Variants in MSH3 observed in about 807,000 individuals in gnomAD.
MSH3 encodes the protein mutS homolog 3, also known as DNA mismatch repair protein Msh3.
Under a neutral mutation model 123.3 loss-of-function variants are expected in MSH3, and 106 were observed. That is an observed-to-expected ratio of 0.86 (90% CI 0.73 to 1.01). The LOEUF is 1.01. Ranked by LOEUF, MSH3 falls within the 50% of genes least tolerant of loss-of-function variation. The pLI is 0.00. For synonymous variants in MSH3, 515 were observed against 481.4 expected (o/e 1.07, Z -0.91); for missense variants, 1,459 against 1,347.6 (o/e 1.08, Z -1.29).
At position 80,854,226 on chromosome 5, in the gene MSH3, C is replaced by T. The variant is rs200007138; in HGVS notation, c.2910C>T (p.Ser970=). ...AEIIRKATSQ[S]LVILDELGRG... ...TAATCAGAAAAGCAACATCACAGTC[C>T]TTGGTTATCTTGGATGAACTAGGAA... The change falls in exon 21 of 24, where the codon TCC becomes TCT. Residue 970 remains serine, a synonymous_variant. Coordinates refer to ENST00000265081, the MANE Select transcript of MSH3 (RefSeq NM_002439.5). The T allele has an allele frequency of 6.2e-7, 1 of 1,613,832 alleles. No homozygotes were observed. Among genetic ancestry groups the T allele is most frequent in the East Asian group, 2.2e-5 (1 of 44,846 alleles).
At chr5:80,714,044 G>A (rs1000318327) in intron 8 of MSH3, among the ~76,000 whole-genome samples, 3 of 150,926 alleles carry the variant, frequency 2.0e-5, no homozygotes, top group Non-Finnish European at 2.9e-5. Flanking sequence ...TGTTACATAT[G>A]AAAAGGTTAA....
intron 8 of MSH3, among the ~76,000 whole-genome samples, chr5:80,689,574 A>C (rs975654722): frequency 9.5e-4 from 144 of 152,296 alleles, no homozygotes; most frequent in African/African-American, 3.3e-3. Flanking sequence ...AAGTCCAAGC[A>C]AAATTTGAGA....
chr5:80,695,906 T>G (rs1028502513), intron 8 of MSH3, among the ~76,000 whole-genome samples: 1 of 152,198 alleles, frequency 6.6e-6, no homozygotes, highest in East Asian at 1.9e-4. Flanking sequence ...TTTTGTATTA[T>G]GTTGTGAGAT....
chr5:80,723,857 G>A (rs867016343), intron 8 of MSH3, among the ~76,000 whole-genome samples: 8 of 151,968 alleles, frequency 5.3e-5, no homozygotes, highest in Admixed American at 2.6e-4. Context: ...TGACTCCCTG[G>A]GCTCAAGTGA....
intron 13 of MSH3, among the ~76,000 whole-genome samples, chr5:80,764,536 A>ATTTT (rs62867161): frequency 7.6e-5 from 10 of 131,070 alleles, no homozygotes; most frequent in Non-Finnish European, 9.9e-5. Context: ...TTTTTTTTGC[A>ATTTT]TTTTTTTGTA....
At chr5:80,695,482 C>T (rs2560425) in intron 8 of MSH3, among the ~76,000 whole-genome samples, 1 of 151,832 alleles carries the variant, frequency 6.6e-6, no homozygotes, top group African/African-American at 2.4e-5. Flanking sequence ...TTATAGGCGC[C>T]TGCCACCACG....
At chr5:80,807,206 A>G (rs936070709) in intron 19 of MSH3, among the ~76,000 whole-genome samples, 3 of 151,660 alleles carry the variant, frequency 2.0e-5, no homozygotes, top group African/African-American at 7.3e-5. Context: ...AAAAAAAAAA[A>G]AAAAAGGAAA....
intron 20 of MSH3, among the ~76,000 whole-genome samples, chr5:80,843,075 T>A (rs1302378155): frequency 6.6e-6 from 1 of 152,132 alleles, no homozygotes; most frequent in Non-Finnish European, 1.5e-5. Flanking sequence ...TGAGATACAT[T>A]CCATCAATAT....
rs187683776 is a variant in MSH3, at chr5:80,703,317, C to G, written c.1341-22136C>G. On this transcript the variant is annotated intron_variant, in intron 8 of 23. Transcript: ENST00000265081. ...ATGAATTACCTTATAGGTAAGTATA[C>G]TTTACATTCTTTTATGTAACTCCTA... Among the ~76,000 whole-genome samples, 217 of 152,304 alleles carry G rather than the reference C, an allele frequency of 1.4e-3. 1 individual carries two copies. Among genetic ancestry groups the G allele is most frequent in the African/African-American group, 4.9e-3 (203 of 41,572 alleles).
At chr5:80,669,574 C>A (rs1749654962) in intron 3 of MSH3, among the ~76,000 whole-genome samples, 1 of 152,062 alleles carries the variant, frequency 6.6e-6, no homozygotes, top group African/African-American at 2.4e-5. Flanking sequence ...TGTTTCTTTA[C>A]CAAGAGAATC....
chr5:80,656,596 G>A (rs1749296153), intron 2 of MSH3, 65 bp downstream of exon 2: 1 of 1,602,734 alleles, frequency 6.2e-7, no homozygotes. Flanking sequence ...TTCTCCAGAG[G>A]GCAGAAGAGC....
At chr5:80,667,622 T>C (rs1306097691) in intron 3 of MSH3, among the ~76,000 whole-genome samples, 2 of 152,186 alleles carry the variant, frequency 1.3e-5, no homozygotes, top group Non-Finnish European at 2.9e-5. Flanking sequence ...GTCTGGCCCC[T>C]GTGCACTGCC....
chr5:80,670,512 T>G (rs1749681337), intron 4 of MSH3, among the ~76,000 whole-genome samples: 1 of 151,836 alleles, frequency 6.6e-6, no homozygotes, highest in Non-Finnish European at 1.5e-5. Context: ...AAGTGAGGGG[T>G]CTCTATTGGA....
chr5:80,785,803 A>G (rs1186765770), intron 17 of MSH3, among the ~76,000 whole-genome samples: 2 of 152,166 alleles, frequency 1.3e-5, no homozygotes, highest in African/African-American at 2.4e-5. Flanking sequence ...ATGGAATACT[A>G]TGCAGCCATA....
At chr5:80,872,328 G>A (rs973579353) in intron 22 of MSH3, among the ~76,000 whole-genome samples, 14 of 151,960 alleles carry the variant, frequency 9.2e-5, no homozygotes, top group Admixed American at 3.9e-4. Flanking sequence ...TTAGCTAGGT[G>A]TGGTAGTATG....
intron 12 of MSH3, among the ~76,000 whole-genome samples, chr5:80,755,059 G>A (rs1177280054): frequency 6.6e-6 from 1 of 152,152 alleles, no homozygotes; most frequent in Non-Finnish European, 1.5e-5. Context: ...TCAGCCCCTG[G>A]GGATGCATTA....
chr5:80,873,333 T>C, intron 23 of MSH3, 46 bp downstream of exon 23: 8 of 1,597,668 alleles, frequency 5.0e-6, no homozygotes, highest in Non-Finnish European at 6.9e-6. Flanking sequence ...TGAAACCTTC[T>C]AAGTTGTCCA....
chr5:80,760,440 C>T (rs527389742), intron 12 of MSH3, among the ~76,000 whole-genome samples: 47 of 152,224 alleles, frequency 3.1e-4, no homozygotes, highest in African/African-American at 1.0e-3. Context: ...GGTAAAATCC[C>T]GCAGCACTGA....
chr5:80,760,653 G>A (rs137947346), intron 12 of MSH3, among the ~76,000 whole-genome samples: 16 of 152,220 alleles, frequency 1.1e-4, no homozygotes, highest in African/African-American at 2.6e-4. Context: ...CAAATTCTCC[G>A]TCTAAGTGGC....
Sources: gnomAD v4.1 joint callset for allele counts (sites outside exome capture counted in the v4.1 genomes callset) on GRCh38, gnomAD v4.1.1 for gene constraint, MANE v1.5 for transcripts, NCBI Gene and HGNC (gene_info 2026-07-23, HGNC 2026-07-21) for gene names.